MAP3K4: variants seen among roughly 807,000 people sequenced by gnomAD.
MAP3K4 encodes the protein mitogen-activated protein kinase kinase kinase 4.
Under a neutral mutation model 185.6 loss-of-function variants are expected in MAP3K4, and 67 were observed. That is an observed-to-expected ratio of 0.36 (90% CI 0.30 to 0.44). The LOEUF is 0.44. Among genes scored for constraint, MAP3K4 ranks in the 20% least tolerant of loss-of-function variants. The pLI is 1.00. For missense variants in MAP3K4, 1,551 were observed against 1,995.1 expected (o/e 0.78, Z 4.24); for synonymous variants, 702 against 710.4 (o/e 0.99, Z 0.19).
At chr6:161,092,309 G>A (rs765708114) in intron 13 of MAP3K4, among the ~76,000 whole-genome samples, 166 bp downstream of exon 13, 2 of 151,948 alleles carry the variant, frequency 1.3e-5, no homozygotes, top group Non-Finnish European at 2.9e-5. Flanking sequence ...AGAAAACTGC[G>A]TAACTCTTGG....
chr6:161,049,491 T>C lies in MAP3K4; in HGVS notation c.1219T>C (p.Leu407=). ...LNITKDLNQK[L]RIMGTVLGIK... ...CATCACAAAAGACTTAAATCAGAAA[T>C]TAAGGATTATGGGCACTGTTTTGGG... The change falls in exon 3 of 27, where the codon TTA becomes CTA. Residue 407 remains leucine, a synonymous_variant. Coordinates refer to ENST00000392142, the MANE Select transcript of MAP3K4 (RefSeq NM_005922.4). The surrounding 1 kb of genome is among the most constrained non-coding windows in gnomAD (Gnocchi z 8.4). 6.2e-7 allele frequency: 1 copy of C among 1,614,106 alleles called. No homozygotes were observed. The highest frequency in any genetic ancestry group is 8.5e-7 in the Non-Finnish European group (1 of 1,180,010).
chr6:161,068,091 A>G (rs890330448), intron 3 of MAP3K4, among the ~76,000 whole-genome samples: 4 of 152,352 alleles, frequency 2.6e-5, no homozygotes, highest in South Asian at 2.1e-4. Flanking sequence ...ATAAGCATCT[A>G]TTATGTGGCA....
At chr6:161,020,886 T>C (rs560009002) in intron 1 of MAP3K4, among the ~76,000 whole-genome samples, 4 of 152,322 alleles carry the variant, frequency 2.6e-5, no homozygotes, top group Admixed American at 2.6e-4. Context: ...ATATTGGGAA[T>C]ACACAGGGCC....
intron 3 of MAP3K4, among the ~76,000 whole-genome samples, chr6:161,052,122 G>A (rs565162918): frequency 6.6e-6 from 1 of 152,220 alleles, no homozygotes; most frequent in East Asian, 1.9e-4. Context: ...TGGGGCGGGG[G>A]TGAGTTGGAC....
At position 161,087,243 on chromosome 6, in the gene MAP3K4, C is replaced by A. The variant is rs1785773310; in HGVS notation, c.2557-445C>A. ...CACCACATGTGTACCCTTTGAGAAA[C>A]TGATCTCAAGGAGCCTTCTTGTGAT... is the stretch of plus-strand genomic sequence containing the variant. On this transcript the variant is annotated intron_variant, in intron 9 of 26. Transcript: ENST00000392142. The surrounding 1 kb of genome is among the most constrained non-coding windows in gnomAD (Gnocchi z 4.9). 1.3e-5 allele frequency among the ~76,000 whole-genome samples: 2 copies of A among 152,204 alleles called. No homozygotes were observed. Among genetic ancestry groups the A allele is most frequent in the South Asian group, 4.1e-4 (2 of 4,828 alleles).
Position 161,112,659 on chromosome 6 carries a change from CT to C in MAP3K4, c.4520-5del. On this transcript the variant is annotated splice_region_variant and splice_polypyrimidine_tract_variant and intron_variant, in intron 24 of 26. Transcript: ENST00000392142. This position sits in a 1 kb window ranked among gnomAD's most constrained non-coding sequence, Gnocchi z 5.1. Reference sequence around the variant, plus strand: ...CCCATTACTCTCAACATATCTGTGACTTTTAAAGCATACATGGCACCTGAAG... The same window carrying C: ...CCCATTACTCTCAACATATCTGTGACTTTAAAGCATACATGGCACCTGAAG... 6.4e-7 allele frequency: 1 copy of C among 1,550,728 alleles called. No homozygotes were observed. Among genetic ancestry groups the C allele is most frequent in the Non-Finnish European group, 8.7e-7 (1 of 1,151,826 alleles).
chr6:161,105,162 C>T (rs2114904834), intron 19 of MAP3K4, among the ~76,000 whole-genome samples: 1 of 152,262 alleles, frequency 6.6e-6, no homozygotes, highest in East Asian at 1.9e-4. Context: ...AAATCAGAAT[C>T]ACATGTAGTA....
intron 1 of MAP3K4, among the ~76,000 whole-genome samples, chr6:161,018,404 T>A (rs1046725025): frequency 6.6e-6 from 1 of 152,168 alleles, no homozygotes; most frequent in Non-Finnish European, 1.5e-5. Context: ...ACCAGTTGGT[T>A]GAAGTGGAAA....
chr6:161,104,958 A>G (rs554003878), intron 19 of MAP3K4, among the ~76,000 whole-genome samples: 2 of 152,340 alleles, frequency 1.3e-5, no homozygotes, highest in South Asian at 4.1e-4. Flanking sequence ...CCTTAGAGTC[A>G]TCCCAGCCTT....
intron 3 of MAP3K4, among the ~76,000 whole-genome samples, chr6:161,058,430 C>G (rs1784336821): frequency 6.6e-6 from 1 of 152,110 alleles, no homozygotes; most frequent in Non-Finnish European, 1.5e-5. Flanking sequence ...GTAGAAATTG[C>G]AGTTTGTGAT....
chr6:160,997,586 T>C (rs1316693067), intron 1 of MAP3K4, among the ~76,000 whole-genome samples: 1 of 152,220 alleles, frequency 6.6e-6, no homozygotes, highest in African/African-American at 2.4e-5. Flanking sequence ...CTCACCGCTG[T>C]GTTCAGCAAG....
intron 1 of MAP3K4, among the ~76,000 whole-genome samples, chr6:160,998,907 A>C (rs967939294): frequency 4.6e-5 from 7 of 152,218 alleles, no homozygotes; most frequent in Admixed American, 2.6e-4. Context: ...ATATTTATTC[A>C]CTAGCAGGCA....
rs766730896 is a variant in MAP3K4, at chr6:161,106,562, G to A, written c.3905G>A (p.Arg1302Gln). The change falls in exon 20 of 27, where the codon CGA becomes CAA. Residue 1302 changes from arginine (R) to glutamine (Q), a missense_variant. Transcript: ENST00000392142. This position sits in a 1 kb window ranked among gnomAD's most constrained non-coding sequence, Gnocchi z 4.9. ...GPIEAIQKSV[R>Q]LFEEKRYREM... ...ATAGAAGCTATCCAGAAGTCAGTCC[G>A]ATTGTTTGAAGAAAAGAGGTACCGA... 4.0e-5 allele frequency: 64 copies of A among 1,613,650 alleles called. No individual in the cohort carries two copies. The highest frequency in any genetic ancestry group is 8.9e-5 in the East Asian group (4 of 44,872).
At position 161,019,392 on chromosome 6, in the gene MAP3K4, C is replaced by A. The variant is rs147932743; in HGVS notation, c.153-14867C>A. ...TCCTTTCTCTCATTTACCACAGTTT[C>A]TTCCATGTTTGCTTAACATCTCTTT... On this transcript the variant is annotated intron_variant, in intron 1 of 26. Transcript: ENST00000392142. 4.3e-4 allele frequency among the ~76,000 whole-genome samples: 65 copies of A among 152,264 alleles called. No homozygotes were observed. The Middle Eastern group carries it at 0.034, about 80-fold the overall frequency.
Position 161,087,213 on chromosome 6 carries a change from C to T in MAP3K4, c.2557-475C>T, listed in dbSNP as rs1427651937. 1.3e-5 allele frequency among the ~76,000 whole-genome samples: 2 copies of T among 152,190 alleles called. No homozygotes were observed. Among genetic ancestry groups the T allele is most frequent in the Non-Finnish European group, 2.9e-5 (2 of 68,036 alleles). Reference sequence around the variant, plus strand: ...TGAGAGTGGGAGGGATGACCTGCAGCGTGCCACCACATGTGTACCCTTTGA... The same window carrying T: ...TGAGAGTGGGAGGGATGACCTGCAGTGTGCCACCACATGTGTACCCTTTGA... On this transcript the variant is annotated intron_variant, in intron 9 of 26. Coordinates refer to ENST00000392142, the MANE Select transcript of MAP3K4 (RefSeq NM_005922.4). This position sits in a 1 kb window ranked among gnomAD's most constrained non-coding sequence, Gnocchi z 4.9.
chr6:161,000,794 CAT>C (rs1224535059), intron 1 of MAP3K4, among the ~76,000 whole-genome samples: 3,032 of 149,984 alleles, frequency 0.02, 115 homozygotes, highest in African/African-American at 0.07. Flanking sequence ...TATATACACA[CAT>C]GTGTACACCC....
In MAP3K4 at chr6:160,992,401, C is replaced by T. The variant is rs150529743; in HGVS notation, c.152+318C>T. ...AGCAGAGTGCGGCTGCCTCCCCTGC[C>T]GCTAGCTTCGGAAGAGTGGCCTCAC... On this transcript the variant is annotated intron_variant, in intron 1 of 26. Transcript: ENST00000392142. 1,233 of 419,314 alleles carry T rather than the reference C, an allele frequency of 2.9e-3. 13 individuals carry two copies. The highest frequency in any genetic ancestry group is 0.024 in the African/African-American group (1,130 of 47,614). The allele number at this position is 419,314 out of a possible 1,614,324, so 26.0% of individuals were successfully genotyped here. A position where few individuals can be genotyped will look rare whatever the true frequency, so the allele number is the denominator to read the frequency against.
Position 161,008,145 on chromosome 6 carries a change from T to G in MAP3K4, c.152+16062T>G, listed in dbSNP as rs563005528. On this transcript the variant is annotated intron_variant, in intron 1 of 26. Transcript: ENST00000392142. This position sits in a 1 kb window ranked among gnomAD's most constrained non-coding sequence, Gnocchi z 4.1. ...TTATTATATAATATTTGATATAACT[T>G]CAGTCTACCAGTAGGAACCTTTGTT... 3.3e-4 allele frequency among the ~76,000 whole-genome samples: 50 copies of G among 152,306 alleles called. No individual in the cohort carries two copies. In the South Asian group the frequency reaches 4.6e-3, roughly 14 times the overall value.
chr6:161,057,630 C>A (rs1032034330), intron 3 of MAP3K4, among the ~76,000 whole-genome samples: 1 of 152,156 alleles, frequency 6.6e-6, no homozygotes, highest in African/African-American at 2.4e-5. Context: ...TGAAGCTAGA[C>A]CAGCAACAGT....
Sources: gnomAD v4.1 joint callset for allele counts (sites outside exome capture counted in the v4.1 genomes callset) on GRCh38, gnomAD v4.1.1 for gene constraint, Gnocchi (gnomAD v3.1) non-coding constraint, MANE v1.5 for transcripts, NCBI Gene and HGNC (gene_info 2026-07-23, HGNC 2026-07-21) for gene names.